DMD: variants seen among roughly 807,000 people sequenced by gnomAD.
DMD encodes the protein dystrophin.
DMD carries 63 observed loss-of-function variants against 330.1 expected under a neutral mutation model. That is an observed-to-expected ratio of 0.19 (90% CI 0.16 to 0.24). The LOEUF (loss-of-function observed/expected upper bound fraction) is 0.24. Ranked by LOEUF, DMD falls within the 10% of genes least tolerant of loss-of-function variation. The pLI, the probability that DMD is intolerant of heterozygous loss-of-function variation, is 1.00. For missense variants in DMD, 3,344 were observed against 2,684.1 expected, an observed-to-expected ratio of 1.25 and a Z score of -5.43; for synonymous variants, 1,223 against 959.8, an observed-to-expected ratio of 1.27 and a Z score of -5.07.
At chrX:32,443,193 A>C (rs2098289190) in intron 27 of DMD, among the ~76,000 whole-genome samples, 3 of 110,935 alleles carry the variant, frequency 2.7e-5, no homozygotes, top group Admixed American at 9.6e-5. Context: ...CTTGAAAGGA[A>C]GATTTATTTC....
chrX:32,155,973 AACACAC>A (rs60347530), intron 44 of DMD, among the ~76,000 whole-genome samples: 1,164 of 95,722 alleles, frequency 0.012, 13 homozygotes, highest in African/African-American at 0.034. Flanking sequence ...TTTGTCATTC[AACACAC>A]ACACACACAC....
intron 44 of DMD, among the ~76,000 whole-genome samples, chrX:32,040,435 A>G (rs112566404): frequency 0.017 from 1,960 of 112,234 alleles, 47 homozygotes; most frequent in African/African-American, 0.06. Flanking sequence ...AGAAGGAAAT[A>G]GTTTCATTAT....
At chrX:31,312,403 T>C (rs1179994485) in intron 62 of DMD, among the ~76,000 whole-genome samples, 1 of 112,198 alleles carries the variant, frequency 8.9e-6, no homozygotes, top group Non-Finnish European at 1.9e-5. Context: ...AAAACCACAA[T>C]GAGATACCAT....
intron 61 of DMD, among the ~76,000 whole-genome samples, chrX:31,324,535 T>C (rs751505260): frequency 1.8e-5 from 2 of 111,225 alleles, no homozygotes; most frequent in East Asian, 5.6e-4. Flanking sequence ...CACTATAACA[T>C]TTCCTCAACA....
intron 7 of DMD, among the ~76,000 whole-genome samples, chrX:32,745,805 G>C (rs2069917687): frequency 8.9e-6 from 1 of 112,265 alleles, no homozygotes; most frequent in African/African-American, 3.2e-5. Flanking sequence ...ATCACGATTT[G>C]TATAAGTAAT....
chrX:32,012,949 C>T (rs1310175409), intron 44 of DMD, among the ~76,000 whole-genome samples: 1 of 110,828 alleles, frequency 9.0e-6, no homozygotes, highest in Non-Finnish European at 1.9e-5. Flanking sequence ...TACTGAATAT[C>T]TCTTTCTCAG....
rs1309356800 is a variant in DMD at position 31,507,467 on chromosome X, GGAA to G, written c.8218-17_8218-15del. Reference sequence around the variant, plus strand: ...ACCTTGGAGGTCCTACAGGACAGCAGGAAGAAGAATATGTGCAGAATTACCAAA... The same window carrying G: ...ACCTTGGAGGTCCTACAGGACAGCAGGAAGAATATGTGCAGAATTACCAAA... On this transcript the variant is annotated splice_polypyrimidine_tract_variant and intron_variant, in intron 55 of 78. Transcript: ENST00000357033. 2.5e-6 allele frequency: 3 copies of G among 1,189,732 alleles called. No homozygotes were observed. Among genetic ancestry groups the G allele is most frequent in the Middle Eastern group, 2.3e-4 (1 of 4,324 alleles).
intron 1 of DMD, among the ~76,000 whole-genome samples, chrX:33,093,540 T>TTA (rs1302873834): frequency 3.6e-5 from 4 of 112,077 alleles, no homozygotes; most frequent in African/African-American, 1.3e-4. Flanking sequence ...CTCTAGTCAA[T>TTA]TATATATATA....
At chrX:32,935,939 C>T (rs1010162341) in intron 2 of DMD, among the ~76,000 whole-genome samples, 5 of 110,749 alleles carry the variant, frequency 4.5e-5, no homozygotes, top group Non-Finnish European at 7.6e-5. Flanking sequence ...GTAAATAATC[C>T]GTGGGGGTGG....
chrX:33,045,694 A>G (rs1166734839), intron 1 of DMD, among the ~76,000 whole-genome samples: 1 of 111,268 alleles, frequency 9.0e-6, no homozygotes, highest in Non-Finnish European at 1.9e-5. Flanking sequence ...ACCTTTTCAA[A>G]TAAGAGGAAC....
chrX:31,837,491 A>G (rs2149495972), intron 48 of DMD, among the ~76,000 whole-genome samples: 1 of 112,317 alleles, frequency 8.9e-6, no homozygotes, highest in Non-Finnish European at 1.9e-5. Flanking sequence ...TCTCTTGATG[A>G]GACGACAAAA....
At chrX:32,949,123 A>C (rs759753569) in intron 2 of DMD, among the ~76,000 whole-genome samples, 2 of 110,924 alleles carry the variant, frequency 1.8e-5, no homozygotes, top group Non-Finnish European at 3.8e-5. Context: ...TAACAAATAA[A>C]AGTAAATAAT....
intron 64 of DMD, among the ~76,000 whole-genome samples, chrX:31,221,927 T>A (rs1173570614): frequency 7.2e-5 from 8 of 110,647 alleles, no homozygotes; most frequent in African/African-American, 2.6e-4. Context: ...GCGTGGTGGC[T>A]CATGCCTGTA....
intron 1 of DMD, among the ~76,000 whole-genome samples, chrX:33,176,194 T>C (rs753743486): frequency 6.3e-5 from 7 of 111,532 alleles, no homozygotes; most frequent in Admixed American, 4.8e-4. Context: ...GCCAAGATTC[T>C]TGTGTATGAG....
At chrX:32,258,932 T>A (rs2097310577) in intron 43 of DMD, among the ~76,000 whole-genome samples, 1 of 111,436 alleles carries the variant, frequency 9.0e-6, no homozygotes, top group South Asian at 3.7e-4. Flanking sequence ...AGGTCTCAGG[T>A]ACAAACAGCC....
intron 16 of DMD, among the ~76,000 whole-genome samples, chrX:32,560,658 CA>C (rs1321000750): frequency 9.0e-6 from 1 of 111,409 alleles, no homozygotes; most frequent in Non-Finnish European, 1.9e-5. Flanking sequence ...TCCCATTGTT[CA>C]GCTCCTACTT....
chrX:32,661,975 C>A (rs968640705), intron 9 of DMD, among the ~76,000 whole-genome samples: 1 of 111,488 alleles, frequency 9.0e-6, no homozygotes, highest in African/African-American at 3.2e-5. Flanking sequence ...TGGTACATTT[C>A]AACTTATTTG....
intron 9 of DMD, among the ~76,000 whole-genome samples, chrX:32,680,376 C>T (rs2062316909): frequency 9.0e-6 from 1 of 110,685 alleles, no homozygotes; most frequent in African/African-American, 3.3e-5. Context: ...TTTTCAAAGG[C>T]CTGACGTTTT....
intron 44 of DMD, among the ~76,000 whole-genome samples, chrX:32,085,381 G>A (rs1267884410): frequency 1.8e-5 from 2 of 109,116 alleles, no homozygotes; most frequent in East Asian, 5.8e-4. Flanking sequence ...GATTTTTAGT[G>A]TATCCATCAC....
Sources: gnomAD v4.1 joint callset for allele counts (sites outside exome capture counted in the v4.1 genomes callset) on GRCh38, gnomAD v4.1.1 for gene constraint, MANE v1.5 for transcripts, NCBI Gene and HGNC (gene_info 2026-07-23, HGNC 2026-07-21) for gene names.